The following MYO1E variants were observed in gnomAD, a reference collection of about 807,000 sequenced individuals.
MYO1E encodes the protein unconventional myosin-Ie.
Under a neutral mutation model 151.1 loss-of-function variants are expected in MYO1E, and 68 were observed. That is an observed-to-expected ratio of 0.45 (90% CI 0.37 to 0.55). MYO1E has a LOEUF of 0.55. Ranked by LOEUF, MYO1E falls within the 20% of genes least tolerant of loss-of-function variation. The pLI is 0.00. For synonymous variants in MYO1E, 601 were observed against 501.7 expected, an observed-to-expected ratio of 1.20 and a Z score of -2.64; for missense variants, 1,363 against 1,389.3, an observed-to-expected ratio of 0.98 and a Z score of 0.30.
chr15:59,145,896 G>A (rs2079438806), intron 26 of MYO1E, among the ~76,000 whole-genome samples: 1 of 152,110 alleles, frequency 6.6e-6, no homozygotes, highest in African/African-American at 2.4e-5. Context: ...TTTCCTCCCT[G>A]GAGTGCCCAC....
intron 19 of MYO1E, among the ~76,000 whole-genome samples, chr15:59,177,543 G>T (rs1173215893): frequency 6.6e-6 from 1 of 152,176 alleles, no homozygotes; most frequent in East Asian, 1.9e-4. Context: ...GTCTTGTGAT[G>T]GTTAAGGGAG....
chr15:59,213,522 G>C (rs897255481), intron 12 of MYO1E, among the ~76,000 whole-genome samples: 1 of 151,878 alleles, frequency 6.6e-6, no homozygotes, highest in Non-Finnish European at 1.5e-5. Context: ...ATGGAGTGCA[G>C]TGGTGTGATG....
At chr15:59,250,903 A>G (rs763322783) in intron 4 of MYO1E, among the ~76,000 whole-genome samples, 3 of 152,190 alleles carry the variant, frequency 2.0e-5, no homozygotes, top group Non-Finnish European at 4.4e-5. Flanking sequence ...GCTTCAGTGC[A>G]GGTGGACCTT....
At chr15:59,194,231 T>C (rs974525924) in intron 17 of MYO1E, among the ~76,000 whole-genome samples, 4 of 151,684 alleles carry the variant, frequency 2.6e-5, no homozygotes, top group Non-Finnish European at 4.4e-5. Flanking sequence ...ATTCAGAACA[T>C]AGTGGCCTGA....
At chr15:59,291,746 A>C (rs1190541281) in intron 1 of MYO1E, among the ~76,000 whole-genome samples, 4 of 150,082 alleles carry the variant, frequency 2.7e-5, no homozygotes, top group African/African-American at 9.7e-5. Flanking sequence ...GATTAACAAA[A>C]AGAGAAATAG....
intron 23 of MYO1E, among the ~76,000 whole-genome samples, chr15:59,162,671 AAAAG>A (rs1223763853): frequency 3.3e-5 from 5 of 151,608 alleles, no homozygotes; most frequent in East Asian, 1.9e-4. Context: ...AAAAAAAAAA[AAAAG>A]AAAGAAAGGT....
At chr15:59,201,089 G>A (rs1245293363) in intron 16 of MYO1E, among the ~76,000 whole-genome samples, 6 of 151,408 alleles carry the variant, frequency 4.0e-5, no homozygotes, top group African/African-American at 1.5e-4. Context: ...ATGATTGTGT[G>A]TGACACAATG....
In MYO1E at chr15:59,372,409, G is replaced by A. The variant is rs567508259; in HGVS notation, c.3+89C>T. ...GTCCACCTTCTCCACCCCTGGCCCC[G>A]GCAGCGCGCCCAAGGTGGGTGCACC... On this transcript the variant is annotated intron_variant, in intron 1 of 27. Coordinates refer to ENST00000288235, the MANE Select transcript of MYO1E (RefSeq NM_004998.4). 4.0e-6 allele frequency: 6 copies of A among 1,493,452 alleles called. No homozygotes were observed. The African/African-American group carries it at 8.3e-5, about 21-fold the overall frequency. The allele number at this position is 1,493,452 out of a possible 1,614,324, so 92.5% of individuals were successfully genotyped here.
At chr15:59,221,177 A>T (rs2079953854) in intron 9 of MYO1E, among the ~76,000 whole-genome samples, 1 of 151,470 alleles carries the variant, frequency 6.6e-6, no homozygotes, top group African/African-American at 2.4e-5. Flanking sequence ...AACCTGGCTA[A>T]TGTTTGTATT....
At chr15:59,257,443 G>A (rs1357688636) in intron 3 of MYO1E, among the ~76,000 whole-genome samples, 1 of 152,226 alleles carries the variant, frequency 6.6e-6, no homozygotes, top group Non-Finnish European at 1.5e-5. Context: ...TAGCGTCCAA[G>A]CTGCAAGTCT....
chr15:59,319,833 C>T (rs1452193430), intron 1 of MYO1E, among the ~76,000 whole-genome samples: 2 of 151,932 alleles, frequency 1.3e-5, no homozygotes, highest in Admixed American at 1.3e-4. Context: ...AACACAGAGG[C>T]AGAGGTTGCA....
intron 23 of MYO1E, among the ~76,000 whole-genome samples, chr15:59,161,598 G>C (rs767027454): frequency 3.3e-5 from 5 of 152,176 alleles, no homozygotes; most frequent in African/African-American, 7.2e-5. Flanking sequence ...GCTTCCAGCT[G>C]TTGTCCCTGA....
chr15:59,288,041 A>G (rs2080397653), intron 1 of MYO1E, among the ~76,000 whole-genome samples: 1 of 152,272 alleles, frequency 6.6e-6, no homozygotes, highest in Admixed American at 6.5e-5. Context: ...TGCGTGGTGC[A>G]CAGAGGCACT....
chr15:59,253,407 G>C (rs1476947988), intron 4 of MYO1E, among the ~76,000 whole-genome samples: 1 of 151,720 alleles, frequency 6.6e-6, no homozygotes, highest in Non-Finnish European at 1.5e-5. Flanking sequence ...CACGAAGAGA[G>C]AGCAACAGGC....
At chr15:59,200,753 C>T (rs1477006959) in intron 16 of MYO1E, among the ~76,000 whole-genome samples, 2 of 152,192 alleles carry the variant, frequency 1.3e-5, no homozygotes, top group African/African-American at 4.8e-5. Context: ...GCGTTACATG[C>T]TTCCAATGAA....
intron 1 of MYO1E, among the ~76,000 whole-genome samples, chr15:59,331,671 C>T (rs1434740043): frequency 6.6e-6 from 1 of 152,208 alleles, no homozygotes; most frequent in Non-Finnish European, 1.5e-5. Flanking sequence ...TTTTCAACAA[C>T]TTATATCCCT....
chr15:59,282,356 G>C (rs148284538), intron 1 of MYO1E, among the ~76,000 whole-genome samples: 1 of 152,298 alleles, frequency 6.6e-6, no homozygotes, highest in Non-Finnish European at 1.5e-5. Context: ...CCCAGCCACA[G>C]GTGGGACATG....
At chr15:59,268,831 C>T in intron 2 of MYO1E, among the ~76,000 whole-genome samples, 1 of 145,346 alleles carries the variant, frequency 6.9e-6, no homozygotes, top group East Asian at 2.2e-4. Flanking sequence ...ATATATAAGA[C>T]ATAGTCCCTG....
chr15:59,163,916 A>G (rs1360456635), intron 22 of MYO1E, among the ~76,000 whole-genome samples: 9 of 152,250 alleles, frequency 5.9e-5, no homozygotes, highest in Non-Finnish European at 1.3e-4. Context: ...ATGGACAAAC[A>G]GCAAACAAGC....
Sources: allele counts gnomAD v4.1 joint callset (sites outside exome capture counted in the v4.1 genomes callset), GRCh38; gene constraint gnomAD v4.1.1; transcripts MANE v1.5; gene names NCBI Gene and HGNC (gene_info 2026-07-23, HGNC 2026-07-21).